BCHE: variants seen among roughly 807,000 people sequenced by gnomAD.
BCHE encodes the protein cholinesterase.
In BCHE, 48 loss-of-function variants were observed where a neutral mutation model predicts 51.3. The observed-to-expected ratio is 0.94, with a 90% CI of 0.74 to 1.19. The LOEUF (loss-of-function observed/expected upper bound fraction) is 1.19, where lower values mean the gene tolerates loss of function less well. BCHE is among the 50% of genes most tolerant of loss of function. BCHE has a pLI of 0.00. For synonymous variants in BCHE, 251 were observed against 238.0 expected, an observed-to-expected ratio of 1.05 and a Z score of -0.50; for missense variants, 847 against 708.2, an observed-to-expected ratio of 1.20 and a Z score of -2.23.
intron 3 of BCHE, among the ~76,000 whole-genome samples, chr3:165,782,107 A>C (rs1712728137): frequency 6.6e-6 from 1 of 152,134 alleles, no homozygotes; most frequent in Non-Finnish European, 1.5e-5. Context: ...ATAAACATGA[A>C]TATATCACAT....
intron 2 of BCHE, among the ~76,000 whole-genome samples, chr3:165,796,582 C>T (rs1004414530): frequency 3.3e-5 from 5 of 152,110 alleles, no homozygotes; most frequent in East Asian, 1.9e-4. Flanking sequence ...AAAATCTTCA[C>T]GTATTTTCAC....
At chr3:165,789,963 A>G (rs73026281) in intron 2 of BCHE, among the ~76,000 whole-genome samples, 13,884 of 152,230 alleles carry the variant, frequency 0.091, 762 homozygotes, top group African/African-American at 0.15. Flanking sequence ...AATAAGATCA[A>G]TAAAGAAATG....
At chr3:165,803,025 C>A (rs1713728001) in intron 2 of BCHE, among the ~76,000 whole-genome samples, 1 of 152,126 alleles carries the variant, frequency 6.6e-6, no homozygotes, top group African/African-American at 2.4e-5. Flanking sequence ...AGGCGTGAGC[C>A]ACCGCTCCGG....
intron 2 of BCHE, among the ~76,000 whole-genome samples, chr3:165,798,418 T>G (rs1713506245): frequency 6.6e-6 from 1 of 152,126 alleles, no homozygotes; most frequent in Admixed American, 6.5e-5. Context: ...TTATTAGAAA[T>G]TTTGTATCTA....
rs1361176856 is a variant in BCHE, at chr3:165,773,260, T to A, written c.*122A>T. 8 of 919,252 alleles carry A rather than the reference T, an allele frequency of 8.7e-6. No individual in the cohort carries two copies. In the East Asian group the frequency reaches 2.1e-4, roughly 24 times the overall value. 56.9% of individuals were successfully genotyped at this position (919,252 alleles called of 1,614,324 possible). A position where few individuals can be genotyped will look rare whatever the true frequency, so the allele number is the denominator to read the frequency against. On this transcript the variant is annotated 3_prime_UTR_variant, in exon 4 of 4. Coordinates refer to ENST00000264381, the MANE Select transcript of BCHE (RefSeq NM_000055.4). Reference sequence around the variant, plus strand: ...AGTTAAAGATGTGAGGAATCAATATTATCCTTCTGGCATTTTTGTTTCAGC... The same window carrying A: ...AGTTAAAGATGTGAGGAATCAATATAATCCTTCTGGCATTTTTGTTTCAGC...
chr3:165,773,906 CAG>C (rs1712355452), intron 3 of BCHE, among the ~76,000 whole-genome samples: 1 of 151,930 alleles, frequency 6.6e-6, no homozygotes, highest in South Asian at 2.1e-4. Flanking sequence ...AGTTATATAA[CAG>C]ATAATTATTT....
chr3:165,778,910 T>G (rs535511880), intron 3 of BCHE, among the ~76,000 whole-genome samples: 48 of 83,922 alleles, frequency 5.7e-4, no homozygotes, highest in Admixed American at 2.0e-3. Flanking sequence ...AAATGTCTAT[T>G]TATAATTTTT....
At chr3:165,802,746 T>G (rs1240177992) in intron 2 of BCHE, among the ~76,000 whole-genome samples, 2 of 152,220 alleles carry the variant, frequency 1.3e-5, no homozygotes, top group African/African-American at 4.8e-5. Context: ...TGTTTTTGTT[T>G]TGTTGTGTTT....
chr3:165,810,659 C>T lies in BCHE; in HGVS notation c.1517+18858G>A, dbSNP rs367996822. ...GCTGGGAGTGGGGATGCATTGTGTT[C>T]GTTAGCTCTGTTTTGGGGCTATCTG... On this transcript the variant is annotated intron_variant, in intron 2 of 3. Coordinates refer to ENST00000264381, the MANE Select transcript of BCHE (RefSeq NM_000055.4). Among the ~76,000 whole-genome samples the T allele has an allele frequency of 3.0e-4, 46 of 152,204 alleles. No homozygotes were observed. In the South Asian group the frequency reaches 9.5e-3, roughly 32 times the overall value.
At chr3:165,813,612 T>C (rs2108223567) in intron 2 of BCHE, among the ~76,000 whole-genome samples, 1 of 151,954 alleles carries the variant, frequency 6.6e-6, no homozygotes, top group East Asian at 1.9e-4. Flanking sequence ...AAATCTTTTC[T>C]AGTCCAGAAA....
intron 3 of BCHE, among the ~76,000 whole-genome samples, chr3:165,781,921 G>T (rs561138585): frequency 6.6e-6 from 1 of 151,990 alleles, no homozygotes; most frequent in African/African-American, 2.4e-5. Context: ...AACACACACA[G>T]AAAATGTGAA....
At chr3:165,783,220 T>G (rs1712779010) in intron 3 of BCHE, among the ~76,000 whole-genome samples, 1 of 152,126 alleles carries the variant, frequency 6.6e-6, no homozygotes, top group South Asian at 2.1e-4. Flanking sequence ...GAATGCATAT[T>G]TCTTTATGCA....
chr3:165,796,545 A>G, intron 2 of BCHE, among the ~76,000 whole-genome samples: 1 of 152,182 alleles, frequency 6.6e-6, no homozygotes, highest in East Asian at 1.9e-4. Context: ...AAGCACAAAG[A>G]AATATTTTTT....
chr3:165,803,973 A>G (rs529438803), intron 2 of BCHE, among the ~76,000 whole-genome samples: 17 of 151,860 alleles, frequency 1.1e-4, no homozygotes, highest in Non-Finnish European at 2.2e-4. Flanking sequence ...GAGTGGTCCA[A>G]GGATTGAGCT....
intron 1 of BCHE, among the ~76,000 whole-genome samples, chr3:165,836,777 T>C (rs1715205126): frequency 6.6e-6 from 1 of 152,202 alleles, no homozygotes; most frequent in South Asian, 2.1e-4. Flanking sequence ...GTTTTGTTTT[T>C]ATTTACATAA....
intron 2 of BCHE, among the ~76,000 whole-genome samples, chr3:165,803,167 T>G (rs1230204850): frequency 6.6e-6 from 1 of 152,184 alleles, no homozygotes; most frequent in African/African-American, 2.4e-5. Flanking sequence ...TAATCATATA[T>G]TCAAAAAGTA....
chr3:165,792,517 G>C (rs967674392), intron 2 of BCHE, among the ~76,000 whole-genome samples: 7 of 152,080 alleles, frequency 4.6e-5, no homozygotes, highest in African/African-American at 1.7e-4. Flanking sequence ...ACTTAGTAAT[G>C]ATTAGTAAAA....
intron 2 of BCHE, among the ~76,000 whole-genome samples, chr3:165,790,611 C>G (rs541600815): frequency 6.6e-6 from 1 of 152,120 alleles, no homozygotes. Context: ...CCTAAACTTA[C>G]GACTGGTGTG....
chr3:165,793,650 G>A lies in BCHE; in HGVS notation c.1518-7339C>T, dbSNP rs73026298. Reference sequence around the variant, plus strand: ...AAATAGTTCACAAATGACAATTTCCGTATTTTTAAGAAAAACAGTATTCCA... The same window carrying A: ...AAATAGTTCACAAATGACAATTTCCATATTTTTAAGAAAAACAGTATTCCA... On this transcript the variant is annotated intron_variant, in intron 2 of 3. Transcript: ENST00000264381. Among the ~76,000 whole-genome samples the A allele has an allele frequency of 7.8e-3, 1,182 of 152,230 alleles. 13 individuals are homozygous for A. Among genetic ancestry groups the A allele is most frequent in the African/African-American group, 0.027 (1,109 of 41,542 alleles).
Sources: gnomAD v4.1 joint callset for allele counts (sites outside exome capture counted in the v4.1 genomes callset) on GRCh38, gnomAD v4.1.1 for gene constraint, MANE v1.5 for transcripts, NCBI Gene and HGNC (gene_info 2026-07-23, HGNC 2026-07-21) for gene names.